The following COL11A1 variants were observed in gnomAD, a reference collection of about 807,000 sequenced individuals.
COL11A1 encodes collagen type XI alpha 1 chain.
COL11A1 carries 74 observed loss-of-function variants against 265.2 expected under a neutral mutation model. The ratio of observed to expected loss-of-function variants is 0.28; its 90% CI spans 0.23 to 0.34. The LOEUF (loss-of-function observed/expected upper bound fraction) is 0.34. COL11A1 is among the 10% of genes least tolerant of loss of function. COL11A1 has a pLI of 1.00. For missense variants in COL11A1, 2,165 were observed against 2,263.6 expected, an observed-to-expected ratio of 0.96 and a Z score of 0.88; for synonymous variants, 816 against 727.6, an observed-to-expected ratio of 1.12 and a Z score of -1.96.
At chr1:102,995,642 C>A (rs1664554348) in intron 28 of COL11A1, among the ~76,000 whole-genome samples, 2 of 151,290 alleles carry the variant, frequency 1.3e-5, no homozygotes, top group South Asian at 2.1e-4. Flanking sequence ...AGAATTAATT[C>A]TCTTAGGTAA....
At position 102,979,446 on chromosome 1, in the gene COL11A1, A is replaced by G. The variant is rs772339745; in HGVS notation, c.2557-11T>C. On this transcript the variant is annotated splice_polypyrimidine_tract_variant and intron_variant, in intron 31 of 66. Coordinates refer to ENST00000370096, the MANE Select transcript of COL11A1 (RefSeq NM_001854.4). ...GAATCCAGTGGAACCCTACAATAAT[A>G]AAAGTAAATAATGAATAAACATGGC... 10 of 1,578,562 alleles carry G rather than the reference A, an allele frequency of 6.3e-6. No homozygotes were observed. The East Asian group carries it at 6.7e-5, about 11-fold the overall frequency.
chr1:103,028,815 T>C (rs7525865), intron 5 of COL11A1, among the ~76,000 whole-genome samples: 1,710 of 152,280 alleles, frequency 0.011, 32 homozygotes, highest in African/African-American at 0.038. Context: ...TTATAAAAGA[T>C]TGTCACTTCA....
intron 25 of COL11A1, 80 bp downstream of exon 25, chr1:102,998,229 TA>T (rs1664808758): frequency 3.5e-6 from 4 of 1,158,708 alleles, no homozygotes; most frequent in Non-Finnish European, 3.9e-6. Context: ...TAACCTCATA[TA>T]ATCATTTCTA....
intron 1 of COL11A1, among the ~76,000 whole-genome samples, chr1:103,087,546 T>C (rs576179046): frequency 6.6e-6 from 1 of 152,318 alleles, no homozygotes; most frequent in African/African-American, 2.4e-5. Context: ...ATGTACAGTC[T>C]TAGCTCTCAT....
intron 57 of COL11A1, among the ~76,000 whole-genome samples, chr1:102,891,079 A>G (rs532014601): frequency 6.6e-6 from 1 of 152,198 alleles, no homozygotes; most frequent in African/African-American, 2.4e-5. Flanking sequence ...CTAAATTAAA[A>G]CATGGAACTC....
intron 4 of COL11A1, among the ~76,000 whole-genome samples, chr1:103,034,921 C>A (rs1668247925): frequency 6.6e-6 from 1 of 152,070 alleles, no homozygotes; most frequent in African/African-American, 2.4e-5. Flanking sequence ...TGAAGTAATT[C>A]TCTAAGTAAG....
intron 36 of COL11A1, among the ~76,000 whole-genome samples, chr1:102,972,972 A>G (rs1051365118): frequency 1.3e-5 from 2 of 152,018 alleles, no homozygotes; most frequent in Non-Finnish European, 2.9e-5. Context: ...ATATATATAT[A>G]TGTCTGTGTG....
At chr1:102,878,520 C>CT (rs1032533150) in intron 66 of COL11A1, among the ~76,000 whole-genome samples, 1,600 of 46,958 alleles carry the variant, frequency 0.034, 61 homozygotes, top group African/African-American at 0.069. Context: ...TCTTTTCTTT[C>CT]TTTTTTTTTT....
At chr1:103,006,526 A>ATTTTT (rs4013849) in intron 15 of COL11A1, among the ~76,000 whole-genome samples, 3,166 of 82,802 alleles carry the variant, frequency 0.038, 749 homozygotes, top group East Asian at 0.048. Flanking sequence ...AAATGGCTCC[A>ATTTTT]TTTTTTTTTT....
intron 12 of COL11A1, among the ~76,000 whole-genome samples, chr1:103,015,467 T>A (rs899734168): frequency 6.6e-6 from 1 of 152,020 alleles, no homozygotes; most frequent in Admixed American, 6.6e-5. Context: ...AAATAATGAA[T>A]TCTTAGTTTT....
At chr1:103,058,931 G>T (rs1670443043) in intron 4 of COL11A1, among the ~76,000 whole-genome samples, 1 of 152,078 alleles carries the variant, frequency 6.6e-6, no homozygotes, top group East Asian at 1.9e-4. Flanking sequence ...AGTTGTAATT[G>T]TTTTGGGGTC....
Position 102,946,582 on chromosome 1 carries a change from T to A in COL11A1, c.3276+267A>T, listed in dbSNP as rs75371612. 2.6e-4 allele frequency among the ~76,000 whole-genome samples: 39 copies of A among 150,032 alleles called. No homozygotes were observed. The Middle Eastern group carries it at 0.01, about 40-fold the overall frequency. ...TAAAAAACTCACAACTTTTTTTTTTTAAAAAAAGCAAAATGAAAAGCCTTT... is the reference window on the plus strand; with the variant it reads ...TAAAAAACTCACAACTTTTTTTTTTAAAAAAAAGCAAAATGAAAAGCCTTT... On this transcript the variant is annotated intron_variant, in intron 42 of 66. Coordinates refer to ENST00000370096, the MANE Select transcript of COL11A1 (RefSeq NM_001854.4).
chr1:103,059,912 G>C (rs1295881586), intron 4 of COL11A1, among the ~76,000 whole-genome samples: 1 of 151,788 alleles, frequency 6.6e-6, no homozygotes, highest in Non-Finnish European at 1.5e-5. Flanking sequence ...ACACACAATA[G>C]GAATACAAGG....
At chr1:103,034,850 C>T (rs372590287) in intron 4 of COL11A1, among the ~76,000 whole-genome samples, 2 of 152,008 alleles carry the variant, frequency 1.3e-5, no homozygotes, top group Non-Finnish European at 2.9e-5. Flanking sequence ...CCTCCCCTTC[C>T]GCCAGGCCTA....
chr1:102,914,777 G>T lies in COL11A1; in HGVS notation c.3851C>A (p.Ala1284Asp). 6 of 1,611,904 alleles carry T rather than the reference G, an allele frequency of 3.7e-6. No individual in the cohort carries two copies. The highest frequency in any genetic ancestry group is 4.2e-6 in the Non-Finnish European group (5 of 1,179,654). The change falls in exon 51 of 67, where the codon GCT becomes GAT. Residue 1284 changes from alanine (A) to aspartate (D), a missense_variant. Ala to Asp is a moderately radical substitution (Grantham distance 126). Coordinates refer to ENST00000370096, the MANE Select transcript of COL11A1 (RefSeq NM_001854.4). ...AGGTCCAGCAGCTCCAGGTGGACCAGCTTCCCCTTTCTCTCCTCTTTCTCC... is the reference window on the plus strand; with the variant it reads ...AGGTCCAGCAGCTCCAGGTGGACCATCTTCCCCTTTCTCTCCTCTTTCTCC... Reference protein sequence around the residue: ...PKGERGEKGEAGPPGAAGPPG... With the variant: ...PKGERGEKGEDGPPGAAGPPG...
chr1:103,061,165 G>A (rs1467325660), intron 4 of COL11A1, among the ~76,000 whole-genome samples: 1 of 152,040 alleles, frequency 6.6e-6, no homozygotes, highest in African/African-American at 2.4e-5. Context: ...GATAAAGTGA[G>A]GCATTACATG....
At chr1:103,017,383 TGAG>T (rs1166428625) in intron 11 of COL11A1, among the ~76,000 whole-genome samples, 1 of 152,114 alleles carries the variant, frequency 6.6e-6, no homozygotes, top group Non-Finnish European at 1.5e-5. Context: ...GGTTATTTTA[TGAG>T]AAGAGTTTGG....
chr1:102,902,490 A>T (rs1653338996), intron 54 of COL11A1, among the ~76,000 whole-genome samples: 2 of 152,178 alleles, frequency 1.3e-5, no homozygotes, highest in African/African-American at 4.8e-5. Flanking sequence ...TATTAAAAAC[A>T]TTAATATTTA....
intron 41 of COL11A1, among the ~76,000 whole-genome samples, chr1:102,956,427 C>T (rs1327617769): frequency 6.6e-6 from 1 of 151,940 alleles, no homozygotes; most frequent in Non-Finnish European, 1.5e-5. Flanking sequence ...CTGATATTTT[C>T]TGGTATTTAT....
Sources: allele counts gnomAD v4.1 joint callset (sites outside exome capture counted in the v4.1 genomes callset), GRCh38; gene constraint gnomAD v4.1.1; transcripts MANE v1.5; gene names NCBI Gene and HGNC (gene_info 2026-07-23, HGNC 2026-07-21).